Variants in UBN2 observed in about 807,000 individuals in gnomAD.
UBN2 encodes the protein ubinuclein 2.
In UBN2, 35 loss-of-function variants were observed where a neutral mutation model predicts 120.2. The ratio of observed to expected loss-of-function variants is 0.29; its 90% confidence interval spans 0.22 to 0.39. The LOEUF (loss-of-function observed/expected upper bound fraction) is 0.39. UBN2 is among the 10% of genes least tolerant of loss of function. The pLI, the probability that UBN2 is intolerant of heterozygous loss-of-function variation, is 1.00. For missense variants in UBN2, 1,693 were observed against 1,663.2 expected (o/e 1.02, Z -0.31); for synonymous variants, 661 against 648.7 (o/e 1.02, Z -0.29).
chr7:139,308,860 A>G (rs1435447048), downstream of UBN2, among the ~76,000 whole-genome samples: 1 of 152,166 alleles, frequency 6.6e-6, no homozygotes, highest in Non-Finnish European at 1.5e-5. Flanking sequence ...TCACGAGGTC[A>G]GGAGATTGAG....
intron 3 of UBN2, among the ~76,000 whole-genome samples, chr7:139,253,343 A>G (rs1796671735): frequency 6.6e-6 from 1 of 152,186 alleles, no homozygotes; most frequent in Admixed American, 6.5e-5. Context: ...GGGTAGGTTA[A>G]ATTTCTAGCA....
intron 2 of UBN2, among the ~76,000 whole-genome samples, chr7:139,241,924 G>A (rs1170547622): frequency 6.6e-6 from 1 of 152,128 alleles, no homozygotes; most frequent in Non-Finnish European, 1.5e-5. Context: ...CTTGAACCCA[G>A]GAGGCAGAGA....
chr7:139,271,163 T>C (rs1396195489), intron 8 of UBN2, among the ~76,000 whole-genome samples: 2 of 152,252 alleles, frequency 1.3e-5, no homozygotes, highest in African/African-American at 4.8e-5. Context: ...TAGGTTAATA[T>C]ACACATTTTT....
Position 139,231,404 on chromosome 7 carries a change from A to G in UBN2, c.-81A>G. The G allele has an allele frequency of 8.7e-7, 1 of 1,143,528 alleles. No individual in the cohort carries two copies. Among genetic ancestry groups the G allele is most frequent in the Non-Finnish European group, 1.1e-6 (1 of 898,592 alleles). 70.8% of individuals were successfully genotyped at this position (1,143,528 alleles called of 1,614,324 possible). A position where few individuals can be genotyped will look rare whatever the true frequency, so the allele number is the denominator to read the frequency against. ...GAGGGAAGAAAAGCGACAGAGAGCA[A>G]GAGGAAGGGCGGGCAGGCACGCAGC... is the stretch of plus-strand genomic sequence containing the variant. On this transcript the variant is annotated 5_prime_UTR_variant, in exon 1 of 18. Coordinates refer to ENST00000473989, the MANE Select transcript of UBN2 (RefSeq NM_173569.4).
intron 14 of UBN2, 28 bp downstream of exon 14, chr7:139,282,083 A>G (rs544821305): frequency 6.2e-7 from 1 of 1,606,226 alleles, no homozygotes; most frequent in African/African-American, 1.3e-5. Flanking sequence ...ATCAATCAGT[A>G]TGTAATATAA....
At chr7:139,282,956 A>G in intron 14 of UBN2, 68 bp from the exon 15 acceptor site, 3 of 1,244,994 alleles carry the variant, frequency 2.4e-6, no homozygotes, top group Non-Finnish European at 3.3e-6. Context: ...TCTTTTAGTT[A>G]TTTAAAATTA....
intron 2 of UBN2, among the ~76,000 whole-genome samples, chr7:139,250,794 A>G (rs1415145111): frequency 4.6e-5 from 7 of 152,048 alleles, no homozygotes; most frequent in African/African-American, 1.4e-4. Flanking sequence ...GTCTGTGTGT[A>G]TAATTCTAAT....
intron 15 of UBN2, among the ~76,000 whole-genome samples, chr7:139,289,000 C>CAAA (rs200360523): frequency 1.2e-3 from 77 of 66,682 alleles, no homozygotes; most frequent in East Asian, 3.7e-3. Context: ...GACGCCATCT[C>CAAA]AAAAAAAAAA....
chr7:139,258,142 TC>T (rs1296338839), intron 3 of UBN2, among the ~76,000 whole-genome samples: 1 of 152,252 alleles, frequency 6.6e-6, no homozygotes, highest in Non-Finnish European at 1.5e-5. Flanking sequence ...CACTTGGTCA[TC>T]TTTTTAAACT....
rs369652755 is a variant in UBN2 at position 139,283,499 on chromosome 7, C to G, written c.2594C>G (p.Pro865Arg). 6.2e-7 allele frequency: 1 copy of G among 1,614,112 alleles called. No homozygotes were observed. The highest frequency in any genetic ancestry group is 1.1e-5 in the South Asian group (1 of 91,078). Residue 865 changes from proline (P) to arginine (R), a missense_variant, in exon 15 of 18, where the codon CCT becomes CGT. By Grantham distance (103) the Pro-to-Arg change is moderately radical (BLOSUM62 -2). Transcript: ENST00000473989. The part of the protein sequence containing the change: ...GLIAGSSIQN[P>R]KVSLEPLPAR... ...ATTGCTGGTTCTTCCATTCAGAACC[C>G]TAAAGTTTCTTTAGAACCTTTGCCA...
chr7:139,255,310 A>G (rs945792573), intron 3 of UBN2, among the ~76,000 whole-genome samples: 6 of 152,226 alleles, frequency 3.9e-5, no homozygotes, highest in Admixed American at 6.5e-5. Context: ...CTTAAAGGGC[A>G]TGACTGGTAT....
intron 1 of UBN2, among the ~76,000 whole-genome samples, chr7:139,236,203 C>G (rs973985681): frequency 2.0e-5 from 3 of 151,862 alleles, no homozygotes; most frequent in Admixed American, 1.3e-4. Flanking sequence ...GCTTCTAGCT[C>G]TGTGTGTGTG....
At chr7:139,311,231 C>T (rs1380479743), downstream of UBN2, among the ~76,000 whole-genome samples, 3 of 152,226 alleles carry the variant, frequency 2.0e-5, no homozygotes, top group Non-Finnish European at 4.4e-5. Context: ...ACAGTCTCTT[C>T]TCAGGCAGGC....
At chr7:139,293,051 G>A (rs1339297699) in intron 15 of UBN2, among the ~76,000 whole-genome samples, 181 bp from the exon 16 acceptor site, 5 of 152,196 alleles carry the variant, frequency 3.3e-5, no homozygotes, top group Non-Finnish European at 5.9e-5. Context: ...GGGTGTTCAT[G>A]TAAGTGCCAC....
Position 139,283,373 on chromosome 7 carries a change from C to G in UBN2, c.2468C>G (p.Ser823Cys). Reference protein sequence around the residue: ...LPLATPKKLDSTQTTHSSSLI... With the variant: ...LPLATPKKLDCTQTTHSSSLI... ...CTAGCTACTCCCAAAAAACTAGATT[C>G]TACTCAGACTACACATTCTTCAAGT... Residue 823 changes from serine (S) to cysteine (C), a missense_variant, in exon 15 of 18, where the codon TCT (serine) becomes TGT (cysteine). By Grantham distance (112) the Ser-to-Cys change is moderately radical (BLOSUM62 -1). Around this residue, in one of 5 missense-constraint regions of UBN2, gnomAD observed 837 missense variants for 817.6 expected, o/e 1.02. Transcript: ENST00000473989. The G allele has an allele frequency of 6.2e-7, 1 of 1,614,042 alleles. No individual in the cohort carries two copies. The highest frequency in any genetic ancestry group is 1.1e-5 in the South Asian group (1 of 91,078).
chr7:139,315,871 G>A, the UBN2 span, among the ~76,000 whole-genome samples: 1 of 152,018 alleles, frequency 6.6e-6, no homozygotes, highest in Non-Finnish European at 1.5e-5. Context: ...GAGGTCAGGA[G>A]TTCGAGACCA....
chr7:139,278,150 A>G (rs1797499200), intron 12 of UBN2, among the ~76,000 whole-genome samples: 1 of 151,870 alleles, frequency 6.6e-6, no homozygotes, highest in South Asian at 2.1e-4. Context: ...AGGTGTTTAC[A>G]AAAGATGTCT....
intron 2 of UBN2, among the ~76,000 whole-genome samples, chr7:139,243,182 GC>G (rs1796369799): frequency 6.6e-6 from 1 of 152,280 alleles, no homozygotes; most frequent in South Asian, 2.1e-4. Context: ...GTCAGGTTAA[GC>G]AAGTACTAAT....
chr7:139,288,892 C>T (rs1383031636), intron 15 of UBN2, among the ~76,000 whole-genome samples: 1 of 150,846 alleles, frequency 6.6e-6, no homozygotes, highest in Non-Finnish European at 1.5e-5. Flanking sequence ...ATCTCAGCTA[C>T]TTGAGAGGCT....
Sources: allele counts gnomAD v4.1 joint callset (sites outside exome capture counted in the v4.1 genomes callset), GRCh38; gene constraint gnomAD v4.1.1; regional missense constraint gnomAD v4.1.1; transcripts MANE v1.5; gene names NCBI Gene and HGNC (gene_info 2026-07-23, HGNC 2026-07-21).